Variants in OSBPL10 observed in about 807,000 individuals in gnomAD.
The protein encoded by OSBPL10 is oxysterol binding protein like 10, also known as oxysterol-binding protein-related protein 10.
A neutral mutation model predicts 81.7 loss-of-function variants in OSBPL10; 49 were observed. The ratio of observed to expected loss-of-function variants is 0.60; its 90% confidence interval spans 0.48 to 0.76. The LOEUF (loss-of-function observed/expected upper bound fraction) is 0.76, where lower values mean the gene tolerates loss of function less well. OSBPL10 is among the 30% of genes least tolerant of loss of function. The pLI is 0.00. For synonymous variants in OSBPL10, 419 were observed against 383.6 expected, an observed-to-expected ratio of 1.09 and a Z score of -1.08; for missense variants, 923 against 987.8, an observed-to-expected ratio of 0.93 and a Z score of 0.88.
In OSBPL10 at chr3:31,957,820, T is replaced by C. The variant is rs534363307; in HGVS notation, c.281+23079A>G. Among the ~76,000 whole-genome samples the C allele has an allele frequency of 2.0e-5, 3 of 152,292 alleles. No individual in the cohort carries two copies. In the South Asian group the frequency reaches 6.2e-4, roughly 32 times the overall value. ...CACGCCTGACTAATTTTTGTATTTT[T>C]AGTAGAGGGGGGGTTTCACCATGTT... On this transcript the variant is annotated intron_variant, in intron 1 of 11. Coordinates refer to ENST00000396556, the MANE Select transcript of OSBPL10 (RefSeq NM_017784.5).
chr3:31,939,678 C>T (rs1418647057), intron 1 of OSBPL10, among the ~76,000 whole-genome samples: 1 of 152,178 alleles, frequency 6.6e-6, no homozygotes, highest in Non-Finnish European at 1.5e-5. Flanking sequence ...CACACTTGAC[C>T]TGGCTTCTCT....
chr3:31,695,184 C>G (rs568124993), intron 7 of OSBPL10, among the ~76,000 whole-genome samples: 1 of 152,206 alleles, frequency 6.6e-6, no homozygotes, highest in African/African-American at 2.4e-5. Context: ...CACCTTCTAC[C>G]TACTCTCTGA....
chr3:31,790,775 G>A (rs566803721), intron 4 of OSBPL10, among the ~76,000 whole-genome samples: 1 of 150,922 alleles, frequency 6.6e-6, no homozygotes, highest in South Asian at 2.1e-4. Context: ...CTGATCCACT[G>A]GCAGCAATCT....
At chr3:31,830,374 T>C (rs560641993) in intron 3 of OSBPL10, 143 bp from the exon 4 acceptor site, 42 of 796,572 alleles carry the variant, frequency 5.3e-5, no homozygotes, top group Admixed American at 1.2e-4. Flanking sequence ...ATAACAACAC[T>C]GCATGCCCAA....
At chr3:31,766,794 A>T (rs1698214876) in intron 4 of OSBPL10, among the ~76,000 whole-genome samples, 1 of 152,226 alleles carries the variant, frequency 6.6e-6, no homozygotes. Flanking sequence ...CTCTAAACTT[A>T]ATGCTGGCAT....
At chr3:31,890,530 C>T (rs1220589493) in intron 1 of OSBPL10, among the ~76,000 whole-genome samples, 1 of 152,060 alleles carries the variant, frequency 6.6e-6, no homozygotes, top group Non-Finnish European at 1.5e-5. Context: ...AGATTAAGAG[C>T]CACCAGCCTG....
chr3:31,816,694 A>C (rs528869434), intron 4 of OSBPL10, among the ~76,000 whole-genome samples: 1 of 152,258 alleles, frequency 6.6e-6, no homozygotes, highest in South Asian at 2.1e-4. Context: ...ATCCAGGAAG[A>C]ATGAGGTACG....
chr3:31,912,123 C>A (rs1696597462), intron 1 of OSBPL10, among the ~76,000 whole-genome samples: 1 of 151,862 alleles, frequency 6.6e-6, no homozygotes. Context: ...TGGCTGGGCG[C>A]AGTGGCTCAC....
At chr3:31,831,634 G>C (rs1700243664) in intron 3 of OSBPL10, among the ~76,000 whole-genome samples, 1 of 152,100 alleles carries the variant, frequency 6.6e-6, no homozygotes, top group Non-Finnish European at 1.5e-5. Context: ...TTAACACATA[G>C]GAAAATATGT....
At chr3:31,970,841 G>A (rs1045397602) in intron 1 of OSBPL10, among the ~76,000 whole-genome samples, 4 of 152,090 alleles carry the variant, frequency 2.6e-5, no homozygotes, top group Non-Finnish European at 4.4e-5. Context: ...TCTCATCTCT[G>A]GCCACACTCC....
At chr3:31,985,013 C>T (rs997891185), upstream of OSBPL10, among the ~76,000 whole-genome samples, 12 of 152,102 alleles carry the variant, frequency 7.9e-5, no homozygotes, top group African/African-American at 2.7e-4. Context: ...CCAAGGTGGG[C>T]GGGTCACGTG....
At chr3:31,759,490 TAGAA>T (rs1213755018) in intron 4 of OSBPL10, among the ~76,000 whole-genome samples, 1 of 152,046 alleles carries the variant, frequency 6.6e-6, no homozygotes, top group Admixed American at 6.5e-5. Context: ...AGAAATCAAA[TAGAA>T]AGAAAAATAC....
At chr3:32,006,165 C>T (rs546550614) in intron 2 of OSBPL10, among the ~76,000 whole-genome samples, 2 of 151,938 alleles carry the variant, frequency 1.3e-5, no homozygotes, top group East Asian at 3.9e-4. Context: ...AGGCTGGTCT[C>T]AAACTCCTGA....
intron 8 of OSBPL10, among the ~76,000 whole-genome samples, chr3:31,673,830 G>C (rs1276651695): frequency 6.6e-6 from 1 of 152,120 alleles, no homozygotes. Context: ...GTCCCACTCA[G>C]TCACTCAGGC....
intron 1 of OSBPL10, among the ~76,000 whole-genome samples, chr3:31,930,389 T>G (rs903191443): frequency 6.6e-6 from 1 of 152,188 alleles, no homozygotes; most frequent in African/African-American, 2.4e-5. Context: ...ACAACCTTTA[T>G]AAGGGGCAAT....
chr3:31,837,318 AAATTATATATATATAT>A (rs1186408356), intron 3 of OSBPL10, among the ~76,000 whole-genome samples: 48 of 97,556 alleles, frequency 4.9e-4, no homozygotes, highest in South Asian at 4.8e-3. Context: ...ACAGATCCCC[AAATTATATATATATAT>A]ATATATATAT....
intron 3 of OSBPL10, among the ~76,000 whole-genome samples, chr3:31,848,339 GC>G (rs200653002): frequency 1.3e-5 from 2 of 150,130 alleles, no homozygotes; most frequent in Non-Finnish European, 3.0e-5. Context: ...CCCACTACAA[GC>G]CCCCCCCAGT....
intron 1 of OSBPL10, among the ~76,000 whole-genome samples, chr3:31,908,806 C>A (rs1696493894): frequency 6.6e-6 from 1 of 152,154 alleles, no homozygotes; most frequent in Admixed American, 6.6e-5. Flanking sequence ...CAGATGATGG[C>A]AGCACTTTCA....
At chr3:31,931,892 C>T (rs138016254) in intron 1 of OSBPL10, among the ~76,000 whole-genome samples, 1 of 152,184 alleles carries the variant, frequency 6.6e-6, no homozygotes, top group Non-Finnish European at 1.5e-5. Context: ...GCCTAGGCAA[C>T]ACAGCCAGAC....
Sources: gnomAD v4.1 joint callset for allele counts (sites outside exome capture counted in the v4.1 genomes callset) on GRCh38, gnomAD v4.1.1 for gene constraint, MANE v1.5 for transcripts, NCBI Gene and HGNC (gene_info 2026-07-23, HGNC 2026-07-21) for gene names.